Variants in CLOCK observed in about 807,000 individuals in gnomAD.
CLOCK encodes circadian locomoter output cycles protein kaput.
In CLOCK, 43 loss-of-function variants were observed where a neutral mutation model predicts 118.4. That is an observed-to-expected ratio of 0.36 (90% CI 0.28 to 0.47). The LOEUF (loss-of-function observed/expected upper bound fraction) is 0.47. Ranked by LOEUF, CLOCK falls within the 20% of genes least tolerant of loss-of-function variation. The pLI is 1.00. For synonymous variants in CLOCK, 326 were observed against 339.2 expected (o/e 0.96, Z 0.43); for missense variants, 846 against 999.9 (o/e 0.85, Z 2.08).
chr4:55,470,022 A>C (rs989101992), intron 8 of CLOCK, among the ~76,000 whole-genome samples: 3 of 152,254 alleles, frequency 2.0e-5, no homozygotes, highest in African/African-American at 7.2e-5. Flanking sequence ...AAAAATTTTA[A>C]GTTTACACAG....
intron 1 of CLOCK, among the ~76,000 whole-genome samples, chr4:55,510,882 A>T (rs1729104735): frequency 6.6e-6 from 1 of 152,178 alleles, no homozygotes; most frequent in Non-Finnish European, 1.5e-5. Context: ...AAGATGGGCA[A>T]AGAAAGAAAG....
In CLOCK at chr4:55,432,100, C is replaced by T. The variant is rs527612763; in HGVS notation, c.*3315G>A. ...CCATTCCTAAGCCAGATATAAATGA[C>T]AAAGGAGAGCACAGCACTGTCAAGT... On this transcript the variant is annotated 3_prime_UTR_variant, in exon 23 of 23. Transcript: ENST00000513440. 6.6e-5 allele frequency: 10 copies of T among 152,298 alleles called. No homozygotes were observed. In the South Asian group the frequency reaches 2.1e-3, roughly 32 times the overall value. 9.4% of individuals were successfully genotyped at this position (152,298 alleles called of 1,614,324 possible).
At chr4:55,467,205 G>A (rs771525554) in intron 8 of CLOCK, among the ~76,000 whole-genome samples, 14 of 152,274 alleles carry the variant, frequency 9.2e-5, no homozygotes, top group Middle Eastern at 6.8e-3. Flanking sequence ...TCTATCACAT[G>A]TTGTCTATTT....
At chr4:55,501,310 T>C (rs1017603607) in intron 2 of CLOCK, among the ~76,000 whole-genome samples, 10 of 144,062 alleles carry the variant, frequency 6.9e-5, no homozygotes, top group Non-Finnish European at 1.6e-4. Context: ...AATTGGTGTA[T>C]ATGAGGGTTT....
intron 1 of CLOCK, among the ~76,000 whole-genome samples, chr4:55,513,121 C>A (rs1280498386): frequency 6.6e-6 from 1 of 152,126 alleles, no homozygotes; most frequent in Non-Finnish European, 1.5e-5. Flanking sequence ...CTCACTGACT[C>A]ACCCTACGCA....
chr4:55,451,572 G>A (rs958698783), intron 15 of CLOCK, among the ~76,000 whole-genome samples: 6 of 152,196 alleles, frequency 3.9e-5, no homozygotes, highest in Admixed American at 3.9e-4. Flanking sequence ...GGATCATGAT[G>A]CTGGCAGTAA....
chr4:55,535,420 A>G (rs1001049867), intron 1 of CLOCK, among the ~76,000 whole-genome samples: 1 of 152,178 alleles, frequency 6.6e-6, no homozygotes, highest in Non-Finnish European at 1.5e-5. Context: ...TTAAAAAATG[A>G]CAGGCGCCAG....
chr4:55,504,005 C>G (rs1314877408), intron 2 of CLOCK, among the ~76,000 whole-genome samples: 5 of 47,790 alleles, frequency 1.0e-4, no homozygotes, highest in Non-Finnish European at 2.1e-4. Context: ...AAAAAAAAAG[C>G]CGGGCACAGT....
rs1722427886 is a variant in CLOCK at position 55,430,510 on chromosome 4, G to A, written c.*4905C>T. Reference sequence around the variant, plus strand: ...TGTTTTAAATATCCTGAATAACTGTGCCAACAAAATTCATCCCCAGTGTTT... The same window carrying A: ...TGTTTTAAATATCCTGAATAACTGTACCAACAAAATTCATCCCCAGTGTTT... On this transcript the variant is annotated 3_prime_UTR_variant, in exon 23 of 23. Coordinates refer to ENST00000513440, the MANE Select transcript of CLOCK (RefSeq NM_004898.4). 1 of 152,106 alleles carries A rather than the reference G, an allele frequency of 6.6e-6. No homozygotes were observed. 9.4% of individuals were successfully genotyped at this position (152,106 alleles called of 1,614,324 possible).
intron 22 of CLOCK, among the ~76,000 whole-genome samples, chr4:55,437,439 A>G (rs1200566408): frequency 6.6e-6 from 1 of 152,148 alleles, no homozygotes; most frequent in Non-Finnish European, 1.5e-5. Flanking sequence ...GGTTTTGTAC[A>G]TTTCTCTGCT....
chr4:55,505,882 TCATA>T (rs1283433622), intron 2 of CLOCK, among the ~76,000 whole-genome samples: 5 of 151,400 alleles, frequency 3.3e-5, no homozygotes, highest in African/African-American at 1.2e-4. Flanking sequence ...ATTGTCCATA[TCATA>T]CATAAACATA....
At chr4:55,491,227 G>C (rs1254979264) in intron 2 of CLOCK, among the ~76,000 whole-genome samples, 2 of 107,056 alleles carry the variant, frequency 1.9e-5, no homozygotes, top group African/African-American at 6.9e-5. Context: ...GATTCCTGCA[G>C]GTGTGCTAAA....
intron 1 of CLOCK, among the ~76,000 whole-genome samples, chr4:55,520,407 T>C (rs1159843235): frequency 6.6e-6 from 1 of 152,158 alleles, no homozygotes; most frequent in Non-Finnish European, 1.5e-5. Flanking sequence ...CTAACAGCAA[T>C]AGTTTCCCCT....
rs11441195 is a variant in CLOCK, at chr4:55,460,928, C to CTTT, written c.560-1670_560-1668dup. On this transcript the variant is annotated intron_variant, in intron 9 of 22. Coordinates refer to ENST00000513440, the MANE Select transcript of CLOCK (RefSeq NM_004898.4). The stretch of plus-strand genomic sequence containing the variant: ...CTTAACAGTCATATACTTTCCTCTC[C>CTTT]TTTTTTTTTTTTTGAGACAAAGTCT... Among the ~76,000 whole-genome samples the CTTT allele has an allele frequency of 1.4e-3, 203 of 145,682 alleles. 1 individual carries two copies. The East Asian group carries it at 0.017, about 12-fold the overall frequency.
At chr4:55,468,979 C>T (rs1353963305) in intron 8 of CLOCK, among the ~76,000 whole-genome samples, 4 of 152,072 alleles carry the variant, frequency 2.6e-5, no homozygotes, top group East Asian at 1.9e-4. Context: ...TGTGGTGATG[C>T]TTGTGTAAAC....
chr4:55,462,844 T>TTGTG (rs148360787), intron 9 of CLOCK, among the ~76,000 whole-genome samples: 10,044 of 151,200 alleles, frequency 0.066, 380 homozygotes, highest in African/African-American at 0.11. Context: ...ACACACAGAT[T>TTGTG]TGTGTGAGTG....
intron 2 of CLOCK, among the ~76,000 whole-genome samples, chr4:55,509,140 T>C (rs1728988659): frequency 6.6e-6 from 1 of 152,208 alleles, no homozygotes; most frequent in South Asian, 2.1e-4. Context: ...CATGATGACA[T>C]GATGGCCATG....
chr4:55,528,346 C>CA lies in CLOCK; in HGVS notation c.-289-18282dup, dbSNP rs57587198. On this transcript the variant is annotated intron_variant, in intron 1 of 22. Coordinates refer to ENST00000513440, the MANE Select transcript of CLOCK (RefSeq NM_004898.4). Reference sequence around the variant, plus strand: ...GGGAAACAAGAGCAGAACTCCACCTCAAAAAAAAAAAAATTAATTAATTAA... The same window carrying CA: ...GGGAAACAAGAGCAGAACTCCACCTCAAAAAAAAAAAAAATTAATTAATTAA... 5.1e-3 allele frequency among the ~76,000 whole-genome samples: 717 copies of CA among 139,382 alleles called. 2 individuals are homozygous for CA. Among genetic ancestry groups the CA allele is most frequent in the African/African-American group, 0.014 (530 of 36,684 alleles). The allele number at this position is 139,382 out of a possible 152,430, so 91.4% of individuals were successfully genotyped here.
intron 4 of CLOCK, among the ~76,000 whole-genome samples, chr4:55,480,957 G>C (rs1052073980): frequency 3.3e-5 from 5 of 151,884 alleles, no homozygotes; most frequent in Admixed American, 6.6e-5. Flanking sequence ...TGCAGTCTGA[G>C]CGGTTAGTGG....
Sources: allele counts gnomAD v4.1 joint callset (sites outside exome capture counted in the v4.1 genomes callset), GRCh38; gene constraint gnomAD v4.1.1; transcripts MANE v1.5; gene names NCBI Gene and HGNC (gene_info 2026-07-23, HGNC 2026-07-21).